Variants in NPSR1 observed in about 807,000 individuals in gnomAD.
The protein encoded by NPSR1 is neuropeptide S receptor.
In NPSR1, 48 loss-of-function variants were observed where a neutral mutation model predicts 46.9. The observed-to-expected ratio is 1.02, with a 90% CI of 0.81 to 1.30. The LOEUF (loss-of-function observed/expected upper bound fraction) is 1.30, where lower values mean the gene tolerates loss of function less well. NPSR1 is among the 50% of genes most tolerant of loss of function. The probability of loss-of-function intolerance (pLI) is 0.00; values close to 1 mark genes in which losing one functional copy is unlikely to be tolerated. For missense variants in NPSR1, 450 were observed against 449.5 expected (o/e 1.00, Z -0.01); for synonymous variants, 176 against 168.1 (o/e 1.05, Z -0.36).
At chr7:34,727,501 G>T (rs1468082679) in intron 2 of NPSR1, among the ~76,000 whole-genome samples, 2 of 152,218 alleles carry the variant, frequency 1.3e-5, no homozygotes, top group African/African-American at 2.4e-5. Flanking sequence ...TATGTACAAT[G>T]TGTGTATAGC....
chr7:34,671,947 G>A (rs1308722514), intron 1 of NPSR1, among the ~76,000 whole-genome samples: 1 of 152,122 alleles, frequency 6.6e-6, no homozygotes. Flanking sequence ...AGCACCTCCA[G>A]AACAGAAAAC....
At chr7:34,752,261 T>G (rs1292368172) in intron 2 of NPSR1, among the ~76,000 whole-genome samples, 1 of 152,172 alleles carries the variant, frequency 6.6e-6, no homozygotes, top group Admixed American at 6.5e-5. Flanking sequence ...GGAGCCTCAG[T>G]AAATTTACTT....
chr7:34,757,809 G>A (rs1420101741), intron 2 of NPSR1, among the ~76,000 whole-genome samples: 3 of 152,154 alleles, frequency 2.0e-5, no homozygotes, highest in Non-Finnish European at 2.9e-5. Context: ...TGCCTCCTCT[G>A]AGCTTTGGCT....
intron 2 of NPSR1, among the ~76,000 whole-genome samples, chr7:34,778,247 G>T (rs1787066594): frequency 6.6e-6 from 1 of 151,932 alleles, no homozygotes; most frequent in Admixed American, 6.6e-5. Context: ...TTCTTCCTAG[G>T]TGGTTACATT....
At chr7:34,791,926 ATGCCAAAAATAAACAGTGG>A (rs1173018577) in intron 3 of NPSR1, among the ~76,000 whole-genome samples, 1 of 152,162 alleles carries the variant, frequency 6.6e-6, no homozygotes, top group East Asian at 1.9e-4. Flanking sequence ...TTCAACAGTG[ATGCCAAAAATAAACAGTGG>A]TGCCAAAAAT....
intron 8 of NPSR1, among the ~76,000 whole-genome samples, chr7:34,866,005 A>G (rs968676403): frequency 1.3e-5 from 2 of 151,832 alleles, no homozygotes; most frequent in Non-Finnish European, 2.9e-5. Flanking sequence ...CCTTTATTTG[A>G]AAAGGAGAGA....
At chr7:34,866,702 G>C (rs1327388326) in intron 8 of NPSR1, among the ~76,000 whole-genome samples, 3 of 151,596 alleles carry the variant, frequency 2.0e-5, no homozygotes, top group East Asian at 1.9e-4. Flanking sequence ...TTTGGGAAAA[G>C]GGTATGAATA....
intron 2 of NPSR1, among the ~76,000 whole-genome samples, chr7:34,717,581 C>G (rs1458543): frequency 0.011 from 1,598 of 152,184 alleles, 29 homozygotes; most frequent in African/African-American, 0.036. Flanking sequence ...AAATGAGAAC[C>G]CTGGGACCCC....
At chr7:34,710,878 C>G in intron 2 of NPSR1, 1 of 432,952 alleles carries the variant, frequency 2.3e-6, no homozygotes, top group Non-Finnish European at 4.4e-6. Context: ...TCAAGAGATG[C>G]TTCCAAAGGC....
chr7:34,749,300 T>C (rs1785380994), intron 2 of NPSR1, among the ~76,000 whole-genome samples: 1 of 152,208 alleles, frequency 6.6e-6, no homozygotes, highest in South Asian at 2.1e-4. Context: ...TTTCTCTTGA[T>C]TCTCTAGCTC....
chr7:34,678,683 G>A (rs933161906), intron 1 of NPSR1, among the ~76,000 whole-genome samples: 3 of 151,904 alleles, frequency 2.0e-5, no homozygotes, highest in Non-Finnish European at 4.4e-5. Context: ...AAAATTAGCT[G>A]GGCATGGTGG....
chr7:34,729,756 A>G (rs139054191), intron 2 of NPSR1, among the ~76,000 whole-genome samples: 1 of 152,358 alleles, frequency 6.6e-6, no homozygotes, highest in East Asian at 1.9e-4. Flanking sequence ...ATCAAAATAC[A>G]AAATGCATAT....
chr7:34,746,053 C>A (rs1031323406), intron 2 of NPSR1, among the ~76,000 whole-genome samples: 2 of 152,212 alleles, frequency 1.3e-5, no homozygotes, highest in Non-Finnish European at 2.9e-5. Context: ...CCTCAGACTA[C>A]ACACTCAGAA....
chr7:34,846,197 G>T (rs1790736375), intron 7 of NPSR1, among the ~76,000 whole-genome samples: 1 of 152,164 alleles, frequency 6.6e-6, no homozygotes, highest in African/African-American at 2.4e-5. Context: ...TTCCCTGGAT[G>T]TTGAGTTGGA....
intron 3 of NPSR1, among the ~76,000 whole-genome samples, chr7:34,792,879 G>A: frequency 7.7e-6 from 1 of 129,072 alleles, no homozygotes; most frequent in Non-Finnish European, 1.7e-5. Context: ...GAGAGACCCT[G>A]TCTCAAAACA....
chr7:34,868,520 C>A (rs1438272859), intron 8 of NPSR1, among the ~76,000 whole-genome samples: 3 of 151,640 alleles, frequency 2.0e-5, no homozygotes, highest in Non-Finnish European at 4.4e-5. Flanking sequence ...TCTAGCATGA[C>A]CCTCAGCAGG....
At chr7:34,748,955 T>C (rs1785363556) in intron 2 of NPSR1, among the ~76,000 whole-genome samples, 1 of 152,164 alleles carries the variant, frequency 6.6e-6, no homozygotes, top group Non-Finnish European at 1.5e-5. Flanking sequence ...AATCACCTCC[T>C]TCTAAGGCAA....
intron 3 of NPSR1, chr7:34,779,642 G>T: frequency 8.7e-7 from 1 of 1,144,166 alleles, no homozygotes; most frequent in South Asian, 3.7e-5. Flanking sequence ...TGGTATGTCT[G>T]AAAGAGCCTT....
chr7:34,778,449 A>G lies in NPSR1; in HGVS notation c.281-13A>G. ...ATAAACCCTGAATGTAAGCACTTGTACGTTTTTGTTAGATTCTTTCACAGG... is the reference window on the plus strand; with the variant it reads ...ATAAACCCTGAATGTAAGCACTTGTGCGTTTTTGTTAGATTCTTTCACAGG... On this transcript the variant is annotated splice_polypyrimidine_tract_variant and intron_variant, in intron 2 of 8. Coordinates refer to ENST00000360581, the MANE Select transcript of NPSR1 (RefSeq NM_207172.2). The G allele has an allele frequency of 2.8e-6, 4 of 1,453,914 alleles. No individual in the cohort carries two copies. Among genetic ancestry groups the G allele is most frequent in the Non-Finnish European group, 2.9e-6 (3 of 1,038,770 alleles). The allele number at this position is 1,453,914 out of a possible 1,614,324, so 90.1% of individuals were successfully genotyped here. A position where few individuals can be genotyped will look rare whatever the true frequency, so the allele number is the denominator to read the frequency against.
Sources: gnomAD v4.1 joint callset for allele counts (sites outside exome capture counted in the v4.1 genomes callset) on GRCh38, gnomAD v4.1.1 for gene constraint, MANE v1.5 for transcripts, NCBI Gene and HGNC (gene_info 2026-07-23, HGNC 2026-07-21) for gene names.